ESRRG: variants seen among roughly 807,000 people sequenced by gnomAD.
ESRRG encodes the protein estrogen related receptor gamma, also known as estrogen-related receptor gamma.
A neutral mutation model predicts 44.0 loss-of-function variants in ESRRG; 13 were observed. The observed-to-expected ratio is 0.30, with a 90% CI of 0.19 to 0.47. ESRRG has a LOEUF of 0.47. ESRRG is among the 20% of genes least tolerant of loss of function. The pLI, the probability that ESRRG is intolerant of heterozygous loss-of-function variation, is 1.00. For synonymous variants in ESRRG, 215 were observed against 214.6 expected (o/e 1.00, Z -0.02); for missense variants, 395 against 580.6 (o/e 0.68, Z 3.29).
At chr1:216,816,899 T>C (rs561739569) in intron 2 of ESRRG, among the ~76,000 whole-genome samples, 1 of 152,224 alleles carries the variant, frequency 6.6e-6, no homozygotes, top group Non-Finnish European at 1.5e-5. Flanking sequence ...TTCATTATCC[T>C]ACTCAAGGTT....
At chr1:216,529,535 GAT>G (rs1438256009) in intron 5 of ESRRG, among the ~76,000 whole-genome samples, 1 of 152,126 alleles carries the variant, frequency 6.6e-6, no homozygotes, top group African/African-American at 2.4e-5. Context: ...TTCAAAAAGA[GAT>G]AGGCATGCCT....
chr1:216,792,826 T>A (rs2094360558), intron 2 of ESRRG, among the ~76,000 whole-genome samples: 1 of 151,374 alleles, frequency 6.6e-6, no homozygotes, highest in African/African-American at 2.4e-5. Flanking sequence ...TGCCATACCA[T>A]AGGAGCCATG....
chr1:216,510,948 G>A lies in ESRRG; in HGVS notation c.1133-3765C>T, dbSNP rs1374618473. ...TCCAAAATACCTAAGTCCTGCTTGG[G>A]AACTTTCTTCTGGACTTTTAGACCA... On this transcript the variant is annotated intron_variant, in intron 6 of 6. Transcript: ENST00000408911. Among the ~76,000 whole-genome samples, 3 of 152,236 alleles carry A rather than the reference G, an allele frequency of 2.0e-5. 1 individual carries two copies. The highest frequency in any genetic ancestry group is 4.1e-4 in the South Asian group (2 of 4,828).
chr1:216,936,733 G>T (rs2064212003), intron 2 of ESRRG: 2 of 151,402 alleles, frequency 1.3e-5, no homozygotes, highest in Non-Finnish European at 2.9e-5. Flanking sequence ...AGGAGAAGAA[G>T]ACAAACAGCA....
In ESRRG at chr1:216,824,679, G is replaced by A. The variant is rs956923189; in HGVS notation, c.-14+114903C>T. 7.0e-4 allele frequency among the ~76,000 whole-genome samples: 107 copies of A among 152,130 alleles called. 6 individuals carry two copies. The highest frequency in any genetic ancestry group is 4.4e-5 in the Non-Finnish European group (3 of 68,020). On this transcript the variant is annotated intron_variant, in intron 2 of 7. Transcript: ENST00000359162. ...TTTCCTAGAGTTTATGAAGTGGTAAGCCTATTTCTTATAATGATTAACTGT... is the reference window on the plus strand; with the variant it reads ...TTTCCTAGAGTTTATGAAGTGGTAAACCTATTTCTTATAATGATTAACTGT...
At chr1:216,937,537 C>T (rs2064354452) in intron 2 of ESRRG, among the ~76,000 whole-genome samples, 1 of 152,134 alleles carries the variant, frequency 6.6e-6, no homozygotes, top group Non-Finnish European at 1.5e-5. Context: ...TATCTGTTTT[C>T]TCCTGTGAGT....
At chr1:216,731,447 A>AT (rs1451558837) in intron 2 of ESRRG, among the ~76,000 whole-genome samples, 3 of 152,172 alleles carry the variant, frequency 2.0e-5, no homozygotes. Flanking sequence ...ACTCCTTGCA[A>AT]TTTTTAAAAC....
At chr1:217,126,420 G>T (rs900822382) in intron 1 of ESRRG, among the ~76,000 whole-genome samples, 9 of 152,092 alleles carry the variant, frequency 5.9e-5, no homozygotes, top group African/African-American at 1.4e-4. Context: ...TGGTTATTTA[G>T]ACATAGATAA....
intron 1 of ESRRG, among the ~76,000 whole-genome samples, chr1:216,983,716 G>GTGTGTGTT (rs2074389630): frequency 7.2e-6 from 1 of 137,970 alleles, no homozygotes; most frequent in Admixed American, 7.3e-5. Flanking sequence ...GTGTGTGTGT[G>GTGTGTGTT]TGTGTAAACA....
intron 2 of ESRRG, among the ~76,000 whole-genome samples, chr1:216,798,256 G>A (rs2094525977): frequency 6.6e-6 from 1 of 152,084 alleles, no homozygotes; most frequent in Admixed American, 6.6e-5. Context: ...CACAGTCCCT[G>A]AGGGTCCAAA....
chr1:216,802,264 G>A (rs2094645876), intron 2 of ESRRG, among the ~76,000 whole-genome samples: 1 of 152,078 alleles, frequency 6.6e-6, no homozygotes, highest in African/African-American at 2.4e-5. Context: ...GAATAGCAAT[G>A]CACATCTTCC....
chr1:216,974,521 C>T (rs1219499486), intron 1 of ESRRG, among the ~76,000 whole-genome samples: 5 of 152,022 alleles, frequency 3.3e-5, no homozygotes, highest in Admixed American at 3.3e-4. Context: ...ATTTTTATTC[C>T]TAAACCACAT....
At chr1:216,928,105 G>A (rs189101745) in intron 2 of ESRRG, among the ~76,000 whole-genome samples, 33 of 152,148 alleles carry the variant, frequency 2.2e-4, no homozygotes, top group African/African-American at 6.5e-4. Flanking sequence ...AATGGTGACC[G>A]TGGAATCTCT....
Position 217,026,888 on chromosome 1 carries a change from T to TACACACACAC in ESRRG, c.-106+62609_-106+62618dup, listed in dbSNP as rs71163785. Among the ~76,000 whole-genome samples, 739 of 105,084 alleles carry TACACACACAC rather than the reference T, an allele frequency of 7.0e-3. 27 individuals carry two copies. The highest frequency in any genetic ancestry group is 0.01 in the Non-Finnish European group (546 of 52,910). The allele number at this position is 105,084 out of a possible 152,430, so 68.9% of individuals were successfully genotyped here. On this transcript the variant is annotated intron_variant, in intron 1 of 7. Transcript: ENST00000359162. Reference sequence around the variant, plus strand: ...GACCACACACATATACACACACACATACACACACACACACACACACACACA... The same window carrying TACACACACAC: ...GACCACACACATATACACACACACATACACACACACACACACACACACACACACACACACA...
chr1:217,027,141 T>TG (rs2081346735), intron 1 of ESRRG, among the ~76,000 whole-genome samples: 1 of 152,140 alleles, frequency 6.6e-6, no homozygotes. Context: ...AAAGGCCACA[T>TG]GTTCCTTCTG....
intron 4 of ESRRG, among the ~76,000 whole-genome samples, chr1:216,565,028 C>A (rs953167812): frequency 3.3e-5 from 5 of 152,128 alleles, no homozygotes; most frequent in Non-Finnish European, 5.9e-5. Flanking sequence ...CATAAAAATA[C>A]TCCTCCTTAA....
At chr1:216,946,523 T>A (rs1578496780) in intron 1 of ESRRG, among the ~76,000 whole-genome samples, 2 of 152,140 alleles carry the variant, frequency 1.3e-5, no homozygotes, top group East Asian at 3.9e-4. Context: ...AAACTGATCA[T>A]TACATGGGTC....
chr1:217,026,742 T>C (rs1312482429), intron 1 of ESRRG, among the ~76,000 whole-genome samples: 1 of 152,078 alleles, frequency 6.6e-6, no homozygotes, highest in Non-Finnish European at 1.5e-5. Flanking sequence ...ACAAATAGCC[T>C]ACAGTGCCAT....
chr1:217,134,109 G>C (rs916053322), intron 1 of ESRRG, among the ~76,000 whole-genome samples: 4 of 152,156 alleles, frequency 2.6e-5, no homozygotes, highest in Non-Finnish European at 4.4e-5. Flanking sequence ...CCCGGGTCCT[G>C]TCTGAACCAG....
Sources: gnomAD v4.1 joint callset for allele counts (sites outside exome capture counted in the v4.1 genomes callset) on GRCh38, gnomAD v4.1.1 for gene constraint, MANE v1.5 for transcripts, NCBI Gene and HGNC (gene_info 2026-07-23, HGNC 2026-07-21) for gene names.